MPRIP: variants seen among roughly 807,000 people sequenced by gnomAD.
The protein encoded by MPRIP is myosin phosphatase Rho interacting protein.
A neutral mutation model predicts 234.9 loss-of-function variants in MPRIP; 59 were observed. The observed-to-expected ratio is 0.25, with a 90% CI of 0.20 to 0.31. The LOEUF is 0.31. MPRIP is among the 10% of genes least tolerant of loss of function. The pLI, the probability that MPRIP is intolerant of heterozygous loss-of-function variation, is 1.00. For synonymous variants in MPRIP, 1,144 were observed against 1,263.9 expected, an observed-to-expected ratio of 0.91 and a Z score of 2.01; for missense variants, 2,436 against 3,071.0, an observed-to-expected ratio of 0.79 and a Z score of 4.89.
At chr17:17,160,331 A>C (rs1018740349) in intron 14 of MPRIP, among the ~76,000 whole-genome samples, 3 of 152,096 alleles carry the variant, frequency 2.0e-5, no homozygotes, top group Admixed American at 2.0e-4. Context: ...GCACCATCGT[A>C]CTCCAGCCTG....
At chr17:17,110,106 C>A (rs1160860825) in intron 3 of MPRIP, among the ~76,000 whole-genome samples, 1 of 152,058 alleles carries the variant, frequency 6.6e-6, no homozygotes, top group South Asian at 2.1e-4. Flanking sequence ...TGGGTTCTTG[C>A]TCTGTTAGTT....
In MPRIP at chr17:17,177,355, G is replaced by T. The variant is rs1466419141; in HGVS notation, c.7063G>T (p.Ala2355Ser). 6.2e-7 allele frequency: 1 copy of T among 1,613,930 alleles called. No individual in the cohort carries two copies. The highest frequency in any genetic ancestry group is 1.7e-5 in the Admixed American group (1 of 60,024). The change falls in exon 22 of 24, where the codon GCT becomes TCT. Residue 2355 changes from alanine (A) to serine (S), a missense_variant. Ala to Ser is a moderately conservative substitution (Grantham distance 99, BLOSUM62 1). This residue lies in a region of MPRIP where 1,998 missense variants were observed against 2,520.3 expected (regional missense o/e 0.79). Transcript: ENST00000651222. ...DISRLKEQLK[A>S]ATEALGEKSP... ...CAGCAGGTTGAAGGAGCAGCTCAAG[G>T]CTGCAACGGAAGCACTGGGGGAGAA...
rs1462284725 is a variant in MPRIP at position 17,078,840 on chromosome 17, G to A, written c.267+764G>A. On this transcript the variant is annotated intron_variant, in intron 3 of 23. Transcript: ENST00000651222. This position sits in a 1 kb window ranked among gnomAD's most constrained non-coding sequence, Gnocchi z 4.3. ...AAACTTTGTAAAGGGTTGAAGATGC[G>A]AGATTTGATCGCCTTTTCCAGTTCC... 1.3e-5 allele frequency among the ~76,000 whole-genome samples: 2 copies of A among 152,168 alleles called. No individual in the cohort carries two copies. Among genetic ancestry groups the A allele is most frequent in the Non-Finnish European group, 2.9e-5 (2 of 68,036 alleles).
At chr17:17,043,324 C>G (rs891964689) in intron 1 of MPRIP, among the ~76,000 whole-genome samples, 3 of 152,134 alleles carry the variant, frequency 2.0e-5, no homozygotes, top group African/African-American at 4.8e-5. Flanking sequence ...TTGGATTTGT[C>G]CAGCCAGAGT....
intron 7 of MPRIP, among the ~76,000 whole-genome samples, chr17:17,139,585 G>A (rs2090771601): frequency 6.6e-6 from 1 of 152,222 alleles, no homozygotes; most frequent in South Asian, 2.1e-4. Context: ...GGAGGGACAG[G>A]TGAAGGCAGC....
intron 20 of MPRIP, among the ~76,000 whole-genome samples, chr17:17,175,838 T>C (rs953535894): frequency 1.8e-4 from 28 of 152,188 alleles, no homozygotes; most frequent in Admixed American, 1.8e-3. Flanking sequence ...TCAATTAAAA[T>C]TTCACCCTAA....
intron 16 of MPRIP, among the ~76,000 whole-genome samples, chr17:17,170,658 C>G (rs1411777156): frequency 6.6e-6 from 1 of 152,200 alleles, no homozygotes; most frequent in Non-Finnish European, 1.5e-5. Flanking sequence ...TGGGGAAACC[C>G]CCACACTTGA....
At chr17:17,120,228 C>T (rs543056213) in intron 3 of MPRIP, among the ~76,000 whole-genome samples, 3 of 152,316 alleles carry the variant, frequency 2.0e-5, no homozygotes, top group Non-Finnish European at 4.4e-5. Context: ...GCTTACTTTC[C>T]TCTTGTTTCC....
rs552674640 is a variant in MPRIP, at chr17:17,187,874, A to G, written c.*2980A>G. 2.1e-4 allele frequency: 32 copies of G among 152,348 alleles called. No individual in the cohort carries two copies. The highest frequency in any genetic ancestry group is 7.7e-4 in the African/African-American group (32 of 41,572). 9.4% of individuals were successfully genotyped at this position (152,348 alleles called of 1,614,324 possible). A position where few individuals can be genotyped will look rare whatever the true frequency, so the allele number is the denominator to read the frequency against. On this transcript the variant is annotated 3_prime_UTR_variant, in exon 24 of 24. Coordinates refer to ENST00000651222, the MANE Select transcript of MPRIP (RefSeq NM_001364716.4). Reference sequence around the variant, plus strand: ...CACAGTAGTGAGCTTTCCCAGCTTTACCGATGAGGAAGAAGTTCAAATAGA... The same window carrying G: ...CACAGTAGTGAGCTTTCCCAGCTTTGCCGATGAGGAAGAAGTTCAAATAGA...
intron 3 of MPRIP, among the ~76,000 whole-genome samples, chr17:17,122,914 A>G (rs1204681023): frequency 3.3e-5 from 5 of 152,230 alleles, no homozygotes; most frequent in Non-Finnish European, 7.3e-5. Context: ...AGCACTGTAC[A>G]GGAATGTGCA....
In MPRIP at chr17:17,091,092, G is replaced by A. The variant is rs138470618; in HGVS notation, c.267+13016G>A. On this transcript the variant is annotated intron_variant, in intron 3 of 23. Transcript: ENST00000651222. The stretch of plus-strand genomic sequence containing the variant: ...GCTGAGGTTTGAAGATCTCGGGGGC[G>A]GTTGGGGAGGGGGTGGGGTTTGACT... 2.4e-4 allele frequency among the ~76,000 whole-genome samples: 36 copies of A among 151,186 alleles called. No individual in the cohort carries two copies. The East Asian group carries it at 5.1e-3, about 21-fold the overall frequency.
intron 1 of MPRIP, among the ~76,000 whole-genome samples, chr17:17,049,538 G>T (rs2088465823): frequency 6.6e-6 from 1 of 151,686 alleles, no homozygotes; most frequent in African/African-American, 2.4e-5. Flanking sequence ...TTTTATAAAG[G>T]ACTCTTCTTT....
Position 17,167,757 on chromosome 17 carries a change from A to C in MPRIP, c.6166A>C (p.Thr2056Pro). 7.7e-7 allele frequency: 1 copy of C among 1,304,096 alleles called. No individual in the cohort carries two copies. Among genetic ancestry groups the C allele is most frequent in the Non-Finnish European group, 1.0e-6 (1 of 988,918 alleles). 80.8% of individuals were successfully genotyped at this position (1,304,096 alleles called of 1,614,324 possible). A position where few individuals can be genotyped will look rare whatever the true frequency, so the allele number is the denominator to read the frequency against. Reference protein sequence around the residue: ...LPAPAPNWQATQGEADSMTGL... With the variant: ...LPAPAPNWQAPQGEADSMTGL... ...AGCCCCTGCCCCCAACTGGCAGGCC[A>C]CCCAGGGAGAGGCTGACTCCATGAC... Residue 2056 changes from threonine (T) to proline (P), a missense_variant, in exon 16 of 24, where the codon ACC becomes CCC. Transcript: ENST00000651222. This position sits in a 1 kb window ranked among gnomAD's most constrained non-coding sequence, Gnocchi z 5.9.
At chr17:17,143,490 C>T (rs12602867) in intron 8 of MPRIP, 66 bp from the exon 9 acceptor site, 71,508 of 1,076,350 alleles carry the variant, frequency 0.066, 3,685 homozygotes, top group East Asian at 0.2. Context: ...TGGACAGCAC[C>T]AGCTCGTCCC....
Position 17,158,597 on chromosome 17 carries a change from G to T in MPRIP, c.1995G>T (p.Glu665Asp). ...EGRSKTFDWA[E>D]FRPIQQALAQ... ...GCTCCAAGACCTTTGACTGGGCTGA[G>T]TTCCGTCCCATCCAGCAGGCCCTGG... The change falls in exon 14 of 24, where the codon GAG becomes GAT. Residue 665 changes from glutamate (E) to aspartate (D), a missense_variant. This residue lies in a region of MPRIP where 1,998 missense variants were observed against 2,520.3 expected (regional missense o/e 0.79). Transcript: ENST00000651222. The T allele has an allele frequency of 1.2e-6, 2 of 1,607,444 alleles. No homozygotes were observed. Among genetic ancestry groups the T allele is most frequent in the Non-Finnish European group, 1.7e-6 (2 of 1,177,796 alleles).
intron 7 of MPRIP, among the ~76,000 whole-genome samples, chr17:17,139,012 C>G (rs2090760454): frequency 6.6e-6 from 1 of 151,964 alleles, no homozygotes; most frequent in African/African-American, 2.4e-5. Flanking sequence ...CTTTTGCCCT[C>G]CAGGGGAGCA....
intron 3 of MPRIP, among the ~76,000 whole-genome samples, chr17:17,118,542 G>A (rs1004396967): frequency 2.0e-5 from 3 of 152,212 alleles, no homozygotes; most frequent in African/African-American, 4.8e-5. Flanking sequence ...GCAGCTTCAG[G>A]AGGCTACAGT....
intron 3 of MPRIP, among the ~76,000 whole-genome samples, chr17:17,123,399 G>A (rs1296224438): frequency 2.6e-5 from 4 of 152,100 alleles, no homozygotes; most frequent in African/African-American, 4.8e-5. Context: ...CGGTGGCTTC[G>A]CGCCTGTAAT....
Position 17,164,455 on chromosome 17 carries a change from G to C in MPRIP, c.2864G>C (p.Ser955Thr). 8.1e-7 allele frequency: 1 copy of C among 1,240,936 alleles called. No homozygotes were observed. The highest frequency in any genetic ancestry group is 3.6e-4 in the Middle Eastern group (1 of 2,796). 76.9% of individuals were successfully genotyped at this position (1,240,936 alleles called of 1,614,324 possible). The change falls in exon 16 of 24, where the codon AGC becomes ACC. Residue 955 changes from serine (S) to threonine (T), a missense_variant. Transcript: ENST00000651222. ...GCGCTGAGCAGCCAGCTGAGGGCTA[G>C]CGAGCAGAAGCTCAAGAGTGCTGAG... ...EAALSSQLRA[S>T]EQKLKSAEAL...
Sources: allele counts gnomAD v4.1 joint callset (sites outside exome capture counted in the v4.1 genomes callset), GRCh38; gene constraint gnomAD v4.1.1; regional missense constraint gnomAD v4.1.1; non-coding constraint Gnocchi (gnomAD v3.1); transcripts MANE v1.5; gene names NCBI Gene and HGNC (gene_info 2026-07-23, HGNC 2026-07-21).